ALK: variants seen among roughly 807,000 people sequenced by gnomAD.
The protein encoded by ALK is ALK tyrosine kinase receptor.
In ALK, 74 loss-of-function variants were observed where a neutral mutation model predicts 163.1. That is an observed-to-expected ratio of 0.45 (90% CI 0.38 to 0.55). The LOEUF is 0.55. ALK is among the 20% of genes least tolerant of loss of function. The pLI, the probability that ALK is intolerant of heterozygous loss-of-function variation, is 0.00. For synonymous variants in ALK, 960 were observed against 843.2 expected, an observed-to-expected ratio of 1.14 and a Z score of -2.40; for missense variants, 2,063 against 2,105.3, an observed-to-expected ratio of 0.98 and a Z score of 0.39.
intron 1 of ALK, among the ~76,000 whole-genome samples, chr2:29,813,615 T>C (rs1664814687): frequency 6.6e-6 from 1 of 152,112 alleles, no homozygotes; most frequent in African/African-American, 2.4e-5. Flanking sequence ...GATATGGGTG[T>C]CTGTTTCTTT....
chr2:29,422,653 C>A (rs1438238210), intron 4 of ALK, among the ~76,000 whole-genome samples: 2 of 152,036 alleles, frequency 1.3e-5, no homozygotes, highest in Non-Finnish European at 2.9e-5. Flanking sequence ...AGTTAGGCAC[C>A]TTTACATCAA....
chr2:29,753,343 A>G (rs1329011035), intron 1 of ALK, among the ~76,000 whole-genome samples: 1 of 152,196 alleles, frequency 6.6e-6, no homozygotes, highest in African/African-American at 2.4e-5. Flanking sequence ...CACTTTCATG[A>G]GGTATCGACA....
intron 1 of ALK, among the ~76,000 whole-genome samples, chr2:29,727,570 C>T (rs1418018666): frequency 6.6e-6 from 1 of 152,170 alleles, no homozygotes; most frequent in East Asian, 1.9e-4. Context: ...TTTTGGGATG[C>T]TCAAAGAATT....
chr2:29,700,571 G>C (rs888840318), intron 2 of ALK, among the ~76,000 whole-genome samples: 1 of 152,138 alleles, frequency 6.6e-6, no homozygotes, highest in Non-Finnish European at 1.5e-5. Context: ...AAGCTTATGT[G>C]AGTTTTGCAC....
intron 1 of ALK, among the ~76,000 whole-genome samples, chr2:29,804,658 C>T (rs1365277661): frequency 2.0e-5 from 3 of 152,302 alleles, no homozygotes; most frequent in South Asian, 2.1e-4. Context: ...CCAGGGCTGG[C>T]GTCGCAGCCC....
At chr2:29,349,511 G>A (rs1193350735) in intron 5 of ALK, among the ~76,000 whole-genome samples, 15 of 152,210 alleles carry the variant, frequency 9.9e-5, no homozygotes, top group Admixed American at 9.2e-4. Flanking sequence ...GGGGGCAATG[G>A]CTGAAGAGAG....
At chr2:29,545,298 G>A (rs1252579425) in intron 3 of ALK, among the ~76,000 whole-genome samples, 1 of 152,176 alleles carries the variant, frequency 6.6e-6, no homozygotes, top group Non-Finnish European at 1.5e-5. Context: ...GTGGTCTTAT[G>A]AATTGTTCAA....
chr2:29,323,007 C>A (rs138037456), intron 6 of ALK, among the ~76,000 whole-genome samples: 49 of 152,294 alleles, frequency 3.2e-4, no homozygotes, highest in African/African-American at 1.2e-3. Flanking sequence ...GAGCCTGGAT[C>A]ATGGGTATTG....
intron 5 of ALK, among the ~76,000 whole-genome samples, chr2:29,333,440 T>A (rs1261979286): frequency 1.3e-5 from 2 of 152,214 alleles, no homozygotes; most frequent in Non-Finnish European, 2.9e-5. Flanking sequence ...TACTAGCTTT[T>A]TTTTCTTTCC....
At chr2:29,230,266 A>G (rs951332811) in intron 15 of ALK, among the ~76,000 whole-genome samples, 15 of 150,854 alleles carry the variant, frequency 9.9e-5, no homozygotes, top group Non-Finnish European at 1.8e-4. Flanking sequence ...AAGTCTGTAC[A>G]TGTTCAGTAA....
At chr2:29,882,698 G>A (rs1464889520) in intron 1 of ALK, among the ~76,000 whole-genome samples, 3 of 152,080 alleles carry the variant, frequency 2.0e-5, no homozygotes, top group African/African-American at 7.2e-5. Flanking sequence ...CAACGACAAC[G>A]AACTAGATAA....
At chr2:29,818,572 C>T (rs1431551882) in intron 1 of ALK, among the ~76,000 whole-genome samples, 1 of 152,248 alleles carries the variant, frequency 6.6e-6, no homozygotes, top group South Asian at 2.1e-4. Flanking sequence ...GCTGTTCGCC[C>T]CCAAAGCAAG....
At chr2:29,897,343 A>G (rs1667298075) in intron 1 of ALK, among the ~76,000 whole-genome samples, 1 of 152,192 alleles carries the variant, frequency 6.6e-6, no homozygotes, top group Non-Finnish European at 1.5e-5. Flanking sequence ...ATCTCAAAAA[A>G]AAAATTAATT....
At chr2:29,611,117 C>A (rs1387112927) in intron 3 of ALK, among the ~76,000 whole-genome samples, 2 of 152,116 alleles carry the variant, frequency 1.3e-5, no homozygotes, top group Non-Finnish European at 2.9e-5. Flanking sequence ...AAATGTGATA[C>A]CCCTGGGAAT....
intron 3 of ALK, among the ~76,000 whole-genome samples, chr2:29,584,120 T>TA (rs368800382): frequency 0.029 from 4,426 of 151,302 alleles, 146 homozygotes; most frequent in African/African-American, 0.078. Flanking sequence ...CCCAGGCTGC[T>TA]AAAAAAAAAT....
Position 29,222,524 on chromosome 2 carries a change from G to A in ALK, c.3443C>T (p.Ala1148Val), listed in dbSNP as rs758424749. The change falls in exon 21 of 29, where the codon GCT (alanine) becomes GTT (valine). Residue 1148 changes from alanine to valine, a missense_variant. Around this residue, in one of 5 missense-constraint regions of ALK, gnomAD observed 575 missense variants for 626.6 expected, o/e 0.92. Transcript: ENST00000389048. The part of the protein sequence containing the change: ...MPNDPSPLQV[A>V]VKTLPEVCSE... ...GAGTGAGCCACTTCTTACCTTCACA[G>A]CCACTTGCAGGGGGCTTGGGTCGTT... 1.2e-6 allele frequency: 2 copies of A among 1,614,168 alleles called. No homozygotes were observed.
chr2:29,428,191 G>A (rs111754615), intron 4 of ALK, among the ~76,000 whole-genome samples: 2 of 151,898 alleles, frequency 1.3e-5, no homozygotes, highest in Non-Finnish European at 2.9e-5. Flanking sequence ...GTTGTCAAGT[G>A]AATAACCTCA....
chr2:29,669,422 C>T (rs1337576765), intron 3 of ALK, among the ~76,000 whole-genome samples: 1 of 151,938 alleles, frequency 6.6e-6, no homozygotes, highest in African/African-American at 2.4e-5. Context: ...CTGCTCCTGT[C>T]CTTTTTTGGA....
intron 3 of ALK, among the ~76,000 whole-genome samples, chr2:29,652,543 G>A (rs7573639): frequency 0.072 from 10,896 of 152,164 alleles, 693 homozygotes; most frequent in African/African-American, 0.17. Flanking sequence ...ATGATTGACT[G>A]ATGACTGGCA....
Sources: gnomAD v4.1 joint callset for allele counts (sites outside exome capture counted in the v4.1 genomes callset) on GRCh38, gnomAD v4.1.1 for gene constraint, gnomAD v4.1.1 regional missense constraint, MANE v1.5 for transcripts, NCBI Gene and HGNC (gene_info 2026-07-23, HGNC 2026-07-21) for gene names.